Variants in ENTPD3 observed in about 807,000 individuals in gnomAD.
ENTPD3 encodes the protein CD39 antigen-like 3.
In ENTPD3, 60 loss-of-function variants were observed where a neutral mutation model predicts 51.2. That is an observed-to-expected ratio of 1.17 (90% CI 0.95 to 1.45). ENTPD3 has a LOEUF of 1.45. Ranked by LOEUF, ENTPD3 falls within the 40% of genes most tolerant of loss-of-function variation. The pLI is 0.00. For missense variants in ENTPD3, 593 were observed against 641.1 expected, an observed-to-expected ratio of 0.93 and a Z score of 0.81; for synonymous variants, 221 against 238.4, an observed-to-expected ratio of 0.93 and a Z score of 0.67.
In ENTPD3 at chr3:40,397,119, C is replaced by CTTTTTTT. The variant is rs3064608; in HGVS notation, c.169-3761_169-3755dup. 9.9e-3 allele frequency among the ~76,000 whole-genome samples: 1,002 copies of CTTTTTTT among 101,240 alleles called. 126 individuals carry two copies. The highest frequency in any genetic ancestry group is 0.028 in the African/African-American group (746 of 26,892). The allele number at this position is 101,240 out of a possible 152,430, so 66.4% of individuals were successfully genotyped here. On this transcript the variant is annotated intron_variant, in intron 3 of 10. Transcript: ENST00000301825. ...AGAGTAAGAGTTGGATAATTAGTTT[C>CTTTTTTT]TTTTTTTTTTTTTTTTTTTTCAGAA... is the stretch of plus-strand genomic sequence containing the variant.
intron 6 of ENTPD3, among the ~76,000 whole-genome samples, chr3:40,415,316 T>C (rs1184518240): frequency 6.6e-6 from 1 of 152,160 alleles, no homozygotes; most frequent in African/African-American, 2.4e-5. Flanking sequence ...AGAGGAAAGT[T>C]GACTCCAAGA....
intron 10 of ENTPD3, among the ~76,000 whole-genome samples, chr3:40,425,351 G>A (rs1021710682): frequency 1.1e-4 from 16 of 152,186 alleles, no homozygotes; most frequent in African/African-American, 3.9e-4. Flanking sequence ...GGGAGGTGAA[G>A]GTTGCCGTGA....
chr3:40,400,744 G>T, intron 3 of ENTPD3, 150 bp from the exon 4 acceptor site: 1 of 638,722 alleles, frequency 1.6e-6, no homozygotes, highest in Non-Finnish European at 2.8e-6. Context: ...GACAAAATTG[G>T]TTTGGAGAAA....
intron 2 of ENTPD3, among the ~76,000 whole-genome samples, chr3:40,389,299 A>C (rs1490953969): frequency 6.6e-6 from 1 of 152,220 alleles, no homozygotes; most frequent in Non-Finnish European, 1.5e-5. Context: ...AAGCTAATGC[A>C]AAAGTTTGCC....
chr3:40,410,444 A>AAG (rs1553643904), intron 4 of ENTPD3, among the ~76,000 whole-genome samples: 1 of 58,566 alleles, frequency 1.7e-5, no homozygotes, highest in Non-Finnish European at 3.2e-5. Context: ...TCCATCTCAG[A>AAG]AAAAAAAAAA....
rs904693532 is a variant in ENTPD3, at chr3:40,410,831, C to T, written c.287-981C>T. Among the ~76,000 whole-genome samples, 10 of 151,760 alleles carry T rather than the reference C, an allele frequency of 6.6e-5. 1 individual carries two copies. In the Middle Eastern group the frequency reaches 0.014, roughly 206 times the overall value. On this transcript the variant is annotated intron_variant, in intron 4 of 10. Coordinates refer to ENST00000301825, the MANE Select transcript of ENTPD3 (RefSeq NM_001248.4). ...AAAGAGACTTAAGATTGCACTGTAC[C>T]GAATTTATTGGGATCCTGACTCATA... is the stretch of plus-strand genomic sequence containing the variant.
Position 40,401,101 on chromosome 3 carries a change from C to T in ENTPD3, c.286+90C>T, listed in dbSNP as rs144342330. ...GGCCTGGAGAGGTCCTGAGATGTTGCTTGGAGGCAGGGAATGAGCATTGGA... is the reference window on the plus strand; with the variant it reads ...GGCCTGGAGAGGTCCTGAGATGTTGTTTGGAGGCAGGGAATGAGCATTGGA... On this transcript the variant is annotated intron_variant, in intron 4 of 10. Coordinates refer to ENST00000301825, the MANE Select transcript of ENTPD3 (RefSeq NM_001248.4). 2.8e-4 allele frequency: 264 copies of T among 938,604 alleles called. 1 individual carries two copies. Among genetic ancestry groups the T allele is most frequent in the Non-Finnish European group, 3.7e-4 (213 of 578,864 alleles). 58.1% of individuals were successfully genotyped at this position (938,604 alleles called of 1,614,324 possible).
intron 2 of ENTPD3, chr3:40,390,943 G>T (rs1039922353): frequency 2.6e-5 from 4 of 152,000 alleles, no homozygotes; most frequent in African/African-American, 7.3e-5. Flanking sequence ...TTTCAGTATA[G>T]TATAGTACTA....
chr3:40,426,614 T>A (rs1228703134), intron 10 of ENTPD3, among the ~76,000 whole-genome samples: 3 of 152,054 alleles, frequency 2.0e-5, no homozygotes, highest in Non-Finnish European at 2.9e-5. Context: ...GAAACATGGT[T>A]CAAGCATAAA....
rs182977500 is a variant in ENTPD3, at chr3:40,407,872, A to G, written c.287-3940A>G. Among the ~76,000 whole-genome samples, 113 of 152,304 alleles carry G rather than the reference A, an allele frequency of 7.4e-4. 1 individual carries two copies. Among genetic ancestry groups the G allele is most frequent in the South Asian group, 1.9e-3 (9 of 4,820 alleles). On this transcript the variant is annotated intron_variant, in intron 4 of 10. Transcript: ENST00000301825. ...TAATCTAAGAAGTCAGACAGACATG[A>G]TATGCCCCCAGTGCGGTGATGTACA...
At chr3:40,400,602 T>C (rs565412766) in intron 3 of ENTPD3, among the ~76,000 whole-genome samples, 1 of 152,232 alleles carries the variant, frequency 6.6e-6, no homozygotes, top group African/African-American at 2.4e-5. Flanking sequence ...CTGATTTAAT[T>C]GGTATGGGGT....
In ENTPD3 at chr3:40,427,582, G is replaced by C. The variant is rs1206358815; in HGVS notation, c.*74G>C. ...GGTGGCACCAGGCAATGCAGGTGAAGTGGCTGCCTTCAGGAAATACAACTA... is the reference window on the plus strand; with the variant it reads ...GGTGGCACCAGGCAATGCAGGTGAACTGGCTGCCTTCAGGAAATACAACTA... On this transcript the variant is annotated 3_prime_UTR_variant, in exon 11 of 11. Coordinates refer to ENST00000301825, the MANE Select transcript of ENTPD3 (RefSeq NM_001248.4). 8.9e-7 allele frequency: 1 copy of C among 1,124,208 alleles called. No homozygotes were observed. The highest frequency in any genetic ancestry group is 1.3e-6 in the Non-Finnish European group (1 of 746,080). The allele number at this position is 1,124,208 out of a possible 1,614,324, so 69.6% of individuals were successfully genotyped here. A position where few individuals can be genotyped will look rare whatever the true frequency, so the allele number is the denominator to read the frequency against.
At chr3:40,400,477 G>C (rs1219504073) in intron 3 of ENTPD3, among the ~76,000 whole-genome samples, 1 of 152,026 alleles carries the variant, frequency 6.6e-6, no homozygotes. Flanking sequence ...GAAGAATCAG[G>C]CAACTCAATT....
intron 5 of ENTPD3, among the ~76,000 whole-genome samples, 184 bp from the exon 6 acceptor site, chr3:40,414,497 T>C (rs1955700239): frequency 1.3e-5 from 2 of 152,232 alleles, no homozygotes; most frequent in Admixed American, 6.5e-5. Context: ...CATCCTGCCT[T>C]CACAGTTGCC....
rs1216819629 is a variant in ENTPD3 at position 40,398,827 on chromosome 3, C to T, written c.169-2067C>T. ...TAGGATCAGGAAATTGGTTAAATTA[C>T]TCTGTACCTAAAAGTGAATACAATG... is the stretch of plus-strand genomic sequence containing the variant. On this transcript the variant is annotated intron_variant, in intron 3 of 10. Coordinates refer to ENST00000301825, the MANE Select transcript of ENTPD3 (RefSeq NM_001248.4). Among the ~76,000 whole-genome samples the T allele has an allele frequency of 1.3e-5, 2 of 152,210 alleles. 1 individual carries two copies. Among genetic ancestry groups the T allele is most frequent in the African/African-American group, 4.8e-5 (2 of 41,438 alleles).
Position 40,422,858 on chromosome 3 carries a change from T to G in ENTPD3, c.840T>G (p.Pro280=). The change falls in exon 8 of 11, where the codon CCT becomes CCG. Residue 280 remains proline (P), a synonymous_variant. Coordinates refer to ENST00000301825, the MANE Select transcript of ENTPD3 (RefSeq NM_001248.4). The part of the protein sequence containing the change: ...KFLAMLLQNS[P]TKNHLTNPCY... ...TACTCTTATACCTACAGAATTCTCC[T>G]ACCAAAAACCATCTCACCAATCCCT... 6.2e-7 allele frequency: 1 copy of G among 1,611,462 alleles called. No homozygotes were observed. Among genetic ancestry groups the G allele is most frequent in the Non-Finnish European group, 8.5e-7 (1 of 1,179,620 alleles).
chr3:40,408,182 T>C (rs1178272967), intron 4 of ENTPD3, among the ~76,000 whole-genome samples: 1 of 152,226 alleles, frequency 6.6e-6, no homozygotes, highest in African/African-American at 2.4e-5. Flanking sequence ...GTATGGACTT[T>C]GGTTTCTGCA....
intron 4 of ENTPD3, among the ~76,000 whole-genome samples, chr3:40,401,529 C>T (rs1955356618): frequency 6.6e-6 from 1 of 152,184 alleles, no homozygotes; most frequent in Non-Finnish European, 1.5e-5. Flanking sequence ...CTGCCTTTTG[C>T]TGTGGAGGGA....
intron 4 of ENTPD3, among the ~76,000 whole-genome samples, chr3:40,411,281 ACT>A (rs951990618): frequency 8.1e-5 from 12 of 148,234 alleles, no homozygotes; most frequent in Admixed American, 1.3e-4. Context: ...ACAGAACAAG[ACT>A]CTGTCTCAGA....
Sources: allele counts gnomAD v4.1 joint callset (sites outside exome capture counted in the v4.1 genomes callset), GRCh38; gene constraint gnomAD v4.1.1; transcripts MANE v1.5; gene names NCBI Gene and HGNC (gene_info 2026-07-23, HGNC 2026-07-21).